Variants in ACAN observed in about 807,000 individuals in gnomAD.
ACAN encodes the protein aggrecan.
ACAN carries 47 observed loss-of-function variants against 169.1 expected under a neutral mutation model. The ratio of observed to expected loss-of-function variants is 0.28; its 90% CI spans 0.22 to 0.35. The LOEUF (loss-of-function observed/expected upper bound fraction) is 0.35. Ranked by LOEUF, ACAN falls within the 10% of genes least tolerant of loss-of-function variation. The pLI is 1.00. For synonymous variants in ACAN, 1,115 were observed against 1,112.2 expected (o/e 1.00, Z -0.05); for missense variants, 2,716 against 2,759.9 (o/e 0.98, Z 0.36).
At chr15:88,818,161 A>C (rs1895989544) in intron 1 of ACAN, among the ~76,000 whole-genome samples, 1 of 152,224 alleles carries the variant, frequency 6.6e-6, no homozygotes, top group African/African-American at 2.4e-5. Context: ...GATGGGATAG[A>C]AGTTTTCTCT....
Position 88,843,775 on chromosome 15 carries a change from A to G in ACAN, c.1051+127A>G. 1.7e-6 allele frequency: 2 copies of G among 1,204,800 alleles called. No homozygotes were observed. The highest frequency in any genetic ancestry group is 2.3e-6 in the Non-Finnish European group (2 of 886,098). The allele number at this position is 1,204,800 out of a possible 1,614,324, so 74.6% of individuals were successfully genotyped here. ...AGGGGCCACGGGGTACCTGAACCCC[A>G]TGTTTTTAGGACACCCCTCCATTTT... On this transcript the variant is annotated intron_variant, in intron 6 of 18. Transcript: ENST00000560601. This position sits in a 1 kb window ranked among gnomAD's most constrained non-coding sequence, Gnocchi z 4.0.
At position 88,843,870 on chromosome 15, in the gene ACAN, A is replaced by T. The variant is rs755471719; in HGVS notation, c.1051+222A>T. 1.5e-4 allele frequency among the ~76,000 whole-genome samples: 23 copies of T among 152,142 alleles called. No homozygotes were observed. The highest frequency in any genetic ancestry group is 2.5e-4 in the Non-Finnish European group (17 of 68,016). ...AGCGTATCTAGCTCTGTCTCATCGGATCAGCACAGACGAGGCTTAAAAACC... is the reference window on the plus strand; with the variant it reads ...AGCGTATCTAGCTCTGTCTCATCGGTTCAGCACAGACGAGGCTTAAAAACC... On this transcript the variant is annotated intron_variant, in intron 6 of 18. Coordinates refer to ENST00000560601, the MANE Select transcript of ACAN (RefSeq NM_001369268.1). This position sits in a 1 kb window ranked among gnomAD's most constrained non-coding sequence, Gnocchi z 4.0.
At chr15:88,817,131 GTTTTGT>G (rs534464565) in intron 1 of ACAN, among the ~76,000 whole-genome samples, 2 of 152,028 alleles carry the variant, frequency 1.3e-5, no homozygotes, top group African/African-American at 2.4e-5. Flanking sequence ...CTTGAATGTA[GTTTTGT>G]TTTTGTTTTT....
intron 1 of ACAN, among the ~76,000 whole-genome samples, chr15:88,812,833 T>C (rs1014741460): frequency 1.3e-5 from 2 of 152,158 alleles, no homozygotes; most frequent in African/African-American, 4.8e-5. Context: ...TCCTTCTCAC[T>C]GCACCAAGGG....
chr15:88,807,277 C>A lies in ACAN; in HGVS notation c.-8+3468C>A, dbSNP rs1399318970. 6.6e-6 allele frequency among the ~76,000 whole-genome samples: 1 copy of A among 152,134 alleles called. No homozygotes were observed. The highest frequency in any genetic ancestry group is 1.5e-5 in the Non-Finnish European group (1 of 68,014). On this transcript the variant is annotated intron_variant, in intron 1 of 18. Transcript: ENST00000560601. This position sits in a 1 kb window ranked among gnomAD's most constrained non-coding sequence, Gnocchi z 4.0. ...CTTATAAGTAGAGCAGGGGAGGGGACAGGCCAGCAGCTGCCCTGGGAAAGG... is the reference window on the plus strand; with the variant it reads ...CTTATAAGTAGAGCAGGGGAGGGGAAAGGCCAGCAGCTGCCCTGGGAAAGG...
chr15:88,823,703 G>A (rs1265464014), intron 1 of ACAN, among the ~76,000 whole-genome samples: 1 of 151,988 alleles, frequency 6.6e-6, no homozygotes, highest in Non-Finnish European at 1.5e-5. Flanking sequence ...CCGGTACCTG[G>A]ACTCAGCATC....
In ACAN at chr15:88,870,080, C is replaced by T. The variant is rs1897346492; in HGVS notation, c.7061-1302C>T. On this transcript the variant is annotated intron_variant, in intron 14 of 18. Coordinates refer to ENST00000560601, the MANE Select transcript of ACAN (RefSeq NM_001369268.1). This position sits in a 1 kb window ranked among gnomAD's most constrained non-coding sequence, Gnocchi z 6.3. The stretch of plus-strand genomic sequence containing the variant: ...CTCTTTCCAGACTGCAGCCTCACCC[C>T]TTGGGGAAGGCATTCATAGCTGAGG... 6.6e-6 allele frequency among the ~76,000 whole-genome samples: 1 copy of T among 152,240 alleles called. No individual in the cohort carries two copies. Among genetic ancestry groups the T allele is most frequent in the Non-Finnish European group, 1.5e-5 (1 of 68,030 alleles).
At chr15:88,834,785 G>A (rs754023783) in intron 1 of ACAN, among the ~76,000 whole-genome samples, 6 of 152,138 alleles carry the variant, frequency 3.9e-5, no homozygotes, top group South Asian at 2.1e-4. Flanking sequence ...CTAGGCCAGC[G>A]GTGCTCCATC....
At chr15:88,860,210 C>T in intron 12 of ACAN, 116 bp from the exon 13 acceptor site, 1 of 669,180 alleles carries the variant, frequency 1.5e-6, no homozygotes, top group South Asian at 2.0e-5. Flanking sequence ...AAAGTGCTGA[C>T]CCAAAGCCAG....
intron 1 of ACAN, among the ~76,000 whole-genome samples, chr15:88,824,568 C>G (rs141401475): frequency 6.6e-6 from 1 of 152,146 alleles, no homozygotes; most frequent in East Asian, 1.9e-4. Context: ...CAAAAAAGGA[C>G]AATAATTTCA....
chr15:88,807,789 T>C lies in ACAN; in HGVS notation c.-8+3980T>C, dbSNP rs1895723337. ...GTGTGTGTGTGTGTGTGTGTGTGCA[T>C]GCTGGCAGGGCGGGCCCTGCGGGCT... On this transcript the variant is annotated intron_variant, in intron 1 of 18. Coordinates refer to ENST00000560601, the MANE Select transcript of ACAN (RefSeq NM_001369268.1). This position sits in a 1 kb window ranked among gnomAD's most constrained non-coding sequence, Gnocchi z 4.0. 6.7e-6 allele frequency among the ~76,000 whole-genome samples: 1 copy of C among 150,202 alleles called. No individual in the cohort carries two copies. The highest frequency in any genetic ancestry group is 1.5e-5 in the Non-Finnish European group (1 of 67,318).
intron 1 of ACAN, among the ~76,000 whole-genome samples, chr15:88,824,248 C>T (rs1896151524): frequency 6.6e-6 from 1 of 151,858 alleles, no homozygotes; most frequent in African/African-American, 2.4e-5. Flanking sequence ...GGCGTGAACC[C>T]AGGAGGCGGA....
At chr15:88,863,660 A>G (rs939210549) in intron 13 of ACAN, among the ~76,000 whole-genome samples, 2 of 152,046 alleles carry the variant, frequency 1.3e-5, no homozygotes, top group Non-Finnish European at 1.5e-5. Context: ...TCTTACTGCT[A>G]TTTTTCAGTT....
intron 1 of ACAN, among the ~76,000 whole-genome samples, chr15:88,809,919 A>G (rs1764326718): frequency 6.6e-6 from 1 of 152,232 alleles, no homozygotes; most frequent in Admixed American, 6.5e-5. Context: ...TATCTGTAAA[A>G]TGGAGTTGAA....
intron 2 of ACAN, among the ~76,000 whole-genome samples, chr15:88,837,510 C>T (rs564485736): frequency 6.6e-6 from 1 of 152,300 alleles, no homozygotes; most frequent in East Asian, 1.9e-4. Flanking sequence ...CACAGCCATG[C>T]AGCCCCTGGC....
intron 1 of ACAN, among the ~76,000 whole-genome samples, chr15:88,829,179 C>T (rs1036761116): frequency 1.3e-5 from 2 of 151,914 alleles, no homozygotes; most frequent in African/African-American, 2.4e-5. Context: ...ATCAAAGATA[C>T]GGAAAAAGAC....
Position 88,847,335 on chromosome 15 carries a change from G to T in ACAN, c.1522G>T (p.Ala508Ser), listed in dbSNP as rs1896818494. The T allele has an allele frequency of 1.3e-6, 2 of 1,583,134 alleles. No homozygotes were observed. The highest frequency in any genetic ancestry group is 1.7e-6 in the Non-Finnish European group (2 of 1,165,866). ...CTGCCTGCGCACGGGGGCGGTCATTGCCTCGCCGGAGCAGCTCCAGGCCGC... is the reference window on the plus strand; with the variant it reads ...CTGCCTGCGCACGGGGGCGGTCATTTCCTCGCCGGAGCAGCTCCAGGCCGC... ...QACLRTGAVI[A>S]SPEQLQAAYE... is the part of the protein sequence containing the mutation. Residue 508 changes from alanine to serine, a missense_variant, in exon 8 of 19, where the codon GCC becomes TCC. By Grantham distance (99) the Ala-to-Ser change is moderately conservative. Coordinates refer to ENST00000560601, the MANE Select transcript of ACAN (RefSeq NM_001369268.1).
rs1398452142 is a variant in ACAN, at chr15:88,814,229, G to C, written c.-8+10420G>C. 6.6e-6 allele frequency among the ~76,000 whole-genome samples: 1 copy of C among 152,114 alleles called. No individual in the cohort carries two copies. The highest frequency in any genetic ancestry group is 2.4e-5 in the African/African-American group (1 of 41,400). On this transcript the variant is annotated intron_variant, in intron 1 of 18. Transcript: ENST00000560601. This position sits in a 1 kb window ranked among gnomAD's most constrained non-coding sequence, Gnocchi z 4.0. Reference sequence around the variant, plus strand: ...TCCTTCCCGATAGATTTGTTGGGAGGGTAAAATGAGATAATATAGCTAAAC... The same window carrying C: ...TCCTTCCCGATAGATTTGTTGGGAGCGTAAAATGAGATAATATAGCTAAAC...
chr15:88,809,870 A>G (rs1442637961), intron 1 of ACAN, among the ~76,000 whole-genome samples: 1 of 152,246 alleles, frequency 6.6e-6, no homozygotes, highest in African/African-American at 2.4e-5. Flanking sequence ...CTGGAGATTT[A>G]TCTCAATGCA....
Sources: gnomAD v4.1 joint callset for allele counts (sites outside exome capture counted in the v4.1 genomes callset) on GRCh38, gnomAD v4.1.1 for gene constraint, Gnocchi (gnomAD v3.1) non-coding constraint, MANE v1.5 for transcripts, NCBI Gene and HGNC (gene_info 2026-07-23, HGNC 2026-07-21) for gene names.